BLTP1: variants seen among roughly 807,000 people sequenced by gnomAD.
The protein encoded by BLTP1 is bridge-like lipid transfer protein family member 1.
the BLTP1 span, chr4:122,271,371 T>A: frequency 6.2e-7 from 1 of 1,613,860 alleles, no homozygotes; most frequent in Admixed American, 1.7e-5. Context: ...CATCGGGACT[T>A]TCGTTCATCT....
chr4:122,172,215 G>T, the BLTP1 span: 12 of 534,922 alleles, frequency 2.2e-5, no homozygotes, highest in Non-Finnish European at 2.6e-5. Context: ...ATACATAATT[G>T]TTTAAAAGTT....
chr4:122,170,460 C>T, the BLTP1 span: 65 of 1,289,706 alleles, frequency 5.0e-5, no homozygotes, highest in Non-Finnish European at 5.9e-5. Flanking sequence ...GAAATGTGGG[C>T]ATTTTTGTTG....
At chr4:122,158,399 A>G in the BLTP1 span, among the ~76,000 whole-genome samples, 10 of 152,204 alleles carry the variant, frequency 6.6e-5, no homozygotes, top group Non-Finnish European at 1.2e-4. Flanking sequence ...TTTAAAAGTC[A>G]TGATTTCTTC....
At chr4:122,262,835 A>G in the BLTP1 span, 5 of 1,613,850 alleles carry the variant, frequency 3.1e-6, no homozygotes, top group Non-Finnish European at 3.4e-6. Context: ...TGCATGTTGG[A>G]CGTGCTGGGA....
At chr4:122,179,679 C>G in the BLTP1 span, among the ~76,000 whole-genome samples, 1 of 152,104 alleles carries the variant, frequency 6.6e-6, no homozygotes, top group Non-Finnish European at 1.5e-5. Flanking sequence ...AGGACACATA[C>G]AGAGAGGCAT....
At chr4:122,275,915 G>C in the BLTP1 span, 3 of 1,454,064 alleles carry the variant, frequency 2.1e-6, 1 homozygote, top group South Asian at 3.3e-5. Flanking sequence ...ATTTGTGCAT[G>C]AATGTTTATT....
the BLTP1 span, among the ~76,000 whole-genome samples, chr4:122,268,208 A>G: frequency 6.6e-6 from 1 of 152,166 alleles, no homozygotes; most frequent in Non-Finnish European, 1.5e-5. Context: ...TAAAACTAAT[A>G]TTTAGTACAT....
At chr4:122,268,802 C>T in the BLTP1 span, among the ~76,000 whole-genome samples, 10 of 152,114 alleles carry the variant, frequency 6.6e-5, no homozygotes, top group Non-Finnish European at 4.4e-5. Context: ...GCTTTCTGTG[C>T]ATGAAGTGAA....
At chr4:122,162,625 A>G in the BLTP1 span, 10 of 985,330 alleles carry the variant, frequency 1.0e-5, no homozygotes, top group South Asian at 4.7e-5. Flanking sequence ...CCTTTCAGCT[A>G]TCACCCTAGG....
chr4:122,270,229 T>C, the BLTP1 span: 2 of 275,846 alleles, frequency 7.3e-6, no homozygotes, highest in Non-Finnish European at 1.1e-5. Context: ...TCTGTAGTTA[T>C]AAATTCTTTA....
the BLTP1 span, chr4:122,211,238 G>A: frequency 2.3e-5 from 16 of 706,382 alleles, no homozygotes; most frequent in East Asian, 4.4e-4. Context: ...TGGACTTGGG[G>A]TGCTAGACTC....
the BLTP1 span, among the ~76,000 whole-genome samples, chr4:122,192,849 A>C: frequency 6.6e-6 from 1 of 152,170 alleles, no homozygotes; most frequent in East Asian, 1.9e-4. Context: ...TTAGAAAAGT[A>C]CTCTACTAGT....
chr4:122,152,381 T>C, the BLTP1 span: 16 of 985,606 alleles, frequency 1.6e-5, no homozygotes, highest in Non-Finnish European at 1.8e-5. Flanking sequence ...CTCCGCCCCC[T>C]TGGGTGTCGG....
chr4:122,339,131 C>G, the BLTP1 span: 27 of 1,457,748 alleles, frequency 1.9e-5, no homozygotes, highest in African/African-American at 3.5e-4. Flanking sequence ...TTTATTTGAA[C>G]ATTTCAATAT....
the BLTP1 span, among the ~76,000 whole-genome samples, chr4:122,357,423 T>C: frequency 6.6e-6 from 1 of 151,736 alleles, no homozygotes; most frequent in Non-Finnish European, 1.5e-5. Context: ...ATTAGCCAGG[T>C]GTGGTGGCAC....
At chr4:122,204,443 A>G in the BLTP1 span, 1 of 832,384 alleles carries the variant, frequency 1.2e-6, no homozygotes, top group Non-Finnish European at 1.4e-6. Flanking sequence ...TGTTATTACT[A>G]TCCCTGAGTT....
the BLTP1 span, among the ~76,000 whole-genome samples, chr4:122,239,140 A>G: frequency 6.6e-6 from 1 of 152,146 alleles, no homozygotes; most frequent in African/African-American, 2.4e-5. Context: ...GGTTATGTAT[A>G]ACTTCTTCCT....
chr4:122,359,810 CA>C, the BLTP1 span: 1 of 1,488,816 alleles, frequency 6.7e-7, no homozygotes, highest in South Asian at 1.4e-5. Flanking sequence ...ATATGATTAT[CA>C]AAAAATATAT....
the BLTP1 span, chr4:122,230,205 C>G: frequency 1.2e-6 from 2 of 1,611,768 alleles, no homozygotes; most frequent in African/African-American, 2.7e-5. Context: ...GATGCCAGAA[C>G]TAAGAGGTAG....
Sources: gnomAD v4.1 joint callset for allele counts (sites outside exome capture counted in the v4.1 genomes callset) on GRCh38, gnomAD v4.1.1 for gene constraint, MANE v1.5 for transcripts, NCBI Gene and HGNC (gene_info 2026-07-23, HGNC 2026-07-21) for gene names.